ITGB3BP: variants seen among roughly 807,000 people sequenced by gnomAD.
The protein encoded by ITGB3BP is integrin subunit beta 3 binding protein.
ITGB3BP carries 27 observed loss-of-function variants against 29.1 expected under a neutral mutation model. The observed-to-expected ratio is 0.93, with a 90% CI of 0.68 to 1.28. ITGB3BP has a LOEUF of 1.28. Among genes scored for constraint, ITGB3BP ranks in the 50% most tolerant of loss-of-function variants. The pLI, the probability that ITGB3BP is intolerant of heterozygous loss-of-function variation, is 0.00. For synonymous variants in ITGB3BP, 61 were observed against 61.4 expected (o/e 0.99, Z 0.03); for missense variants, 192 against 200.2 (o/e 0.96, Z 0.25).
At chr1:63,468,307 T>A (rs1305455038) in intron 4 of ITGB3BP, among the ~76,000 whole-genome samples, 1 of 152,150 alleles carries the variant, frequency 6.6e-6, no homozygotes, top group Admixed American at 6.5e-5. Context: ...AGTCTTTAAA[T>A]AAAGAGCCAC....
intron 2 of ITGB3BP, among the ~76,000 whole-genome samples, chr1:63,528,725 A>T (rs1175271991): frequency 6.6e-6 from 1 of 152,148 alleles, no homozygotes; most frequent in Admixed American, 6.5e-5. Flanking sequence ...AACCTTAGAA[A>T]AAAGGCACTT....
chr1:63,518,593 T>C (rs1478494412), intron 1 of ITGB3BP, among the ~76,000 whole-genome samples: 4 of 151,976 alleles, frequency 2.6e-5, no homozygotes, highest in South Asian at 2.1e-4. Context: ...TTCTTTCTTT[T>C]TTTTTTTTAA....
chr1:63,454,289 G>C lies in ITGB3BP; in HGVS notation c.427+91C>G. The C allele has an allele frequency of 1.7e-6, 1 of 592,198 alleles. No individual in the cohort carries two copies. Among genetic ancestry groups the C allele is most frequent in the Non-Finnish European group, 3.0e-6 (1 of 333,892 alleles). 36.7% of individuals were successfully genotyped at this position (592,198 alleles called of 1,614,324 possible). The stretch of plus-strand genomic sequence containing the variant: ...TATTTTTATCACATGTCCAGTAATG[G>C]TATATATAAAGAAGTCTATCAAATG... On this transcript the variant is annotated intron_variant, in intron 6 of 8. Transcript: ENST00000271002. This position sits in a 1 kb window ranked among gnomAD's most constrained non-coding sequence, Gnocchi z 4.1.
In ITGB3BP at chr1:63,454,872, G is replaced by A. The variant is rs1397578472; in HGVS notation, c.333+18C>T. 8.4e-7 allele frequency: 1 copy of A among 1,194,488 alleles called. No homozygotes were observed. Among genetic ancestry groups the A allele is most frequent in the Admixed American group, 1.8e-5 (1 of 56,322 alleles). The allele number at this position is 1,194,488 out of a possible 1,614,324, so 74.0% of individuals were successfully genotyped here. ...TTTATCCTTTTCAAACAGGGTAGAA[G>A]TATGAAAAAATGCAAACCTGTATAC... On this transcript the variant is annotated intron_variant, in intron 5 of 8. Transcript: ENST00000271002. The surrounding 1 kb of genome is among the most constrained non-coding windows in gnomAD (Gnocchi z 4.1).
chr1:63,510,441 C>T (rs1035908732), intron 1 of ITGB3BP, among the ~76,000 whole-genome samples: 8 of 152,094 alleles, frequency 5.3e-5, no homozygotes, highest in Non-Finnish European at 7.4e-5. Context: ...CAAGGAAATA[C>T]GTAAAAAATA....
intron 1 of ITGB3BP, among the ~76,000 whole-genome samples, chr1:63,510,630 G>C (rs1646180045): frequency 6.6e-6 from 1 of 152,108 alleles, no homozygotes; most frequent in Non-Finnish European, 1.5e-5. Context: ...AAGACTAGAA[G>C]AAATCTAAGA....
At chr1:63,494,125 T>G (rs1645729031) in intron 2 of ITGB3BP, among the ~76,000 whole-genome samples, 1 of 152,148 alleles carries the variant, frequency 6.6e-6, no homozygotes, top group African/African-American at 2.4e-5. Context: ...AGAAGAGTAC[T>G]AGATACCAAC....
At chr1:63,518,098 T>G (rs1570339745) in intron 1 of ITGB3BP, among the ~76,000 whole-genome samples, 1 of 152,196 alleles carries the variant, frequency 6.6e-6, no homozygotes, top group East Asian at 1.9e-4. Flanking sequence ...GAGGGCACGT[T>G]CTTGCCTTTT....
chr1:63,482,270 C>CAAAAAAAA (rs376500389), intron 3 of ITGB3BP, among the ~76,000 whole-genome samples: 7 of 59,336 alleles, frequency 1.2e-4, no homozygotes, highest in East Asian at 5.6e-4. Context: ...GACTCCATCT[C>CAAAAAAAA]AAAAAAAAAA....
At chr1:63,463,612 G>A (rs1645054077) in intron 4 of ITGB3BP, among the ~76,000 whole-genome samples, 1 of 152,122 alleles carries the variant, frequency 6.6e-6, no homozygotes, top group African/African-American at 2.4e-5. Context: ...CATTTTCATA[G>A]CAATGCCAGC....
At chr1:63,453,000 T>G (rs987827006) in intron 7 of ITGB3BP, among the ~76,000 whole-genome samples, 2 of 152,216 alleles carry the variant, frequency 1.3e-5, no homozygotes, top group Non-Finnish European at 2.9e-5. Context: ...TAGGAAGAGA[T>G]AACACAGAAT....
chr1:63,460,158 T>A (rs1412029686), intron 4 of ITGB3BP, among the ~76,000 whole-genome samples: 1 of 152,188 alleles, frequency 6.6e-6, no homozygotes, highest in East Asian at 1.9e-4. Context: ...ATATACAAGA[T>A]TTGTCATTTT....
intron 7 of ITGB3BP, among the ~76,000 whole-genome samples, chr1:63,451,498 T>C (rs1644858921): frequency 6.9e-6 from 1 of 145,598 alleles, no homozygotes; most frequent in Admixed American, 7.1e-5. Flanking sequence ...TAGTTTGAGA[T>C]GTCAAAAGAA....
chr1:63,444,196 C>G lies in ITGB3BP; in HGVS notation c.*1+2610G>C, dbSNP rs138763552. ...AAAGAACACCCCAAAATGTGGTTATCTTTACTAAAATCCATTAACACAAAG... is the reference window on the plus strand; with the variant it reads ...AAAGAACACCCCAAAATGTGGTTATGTTTACTAAAATCCATTAACACAAAG... On this transcript the variant is annotated intron_variant, in intron 8 of 8. Coordinates refer to ENST00000271002, the MANE Select transcript of ITGB3BP (RefSeq NM_014288.5). Among the ~76,000 whole-genome samples the G allele has an allele frequency of 2.3e-3, 350 of 152,174 alleles. 2 individuals are homozygous for G. The highest frequency in any genetic ancestry group is 7.9e-3 in the African/African-American group (329 of 41,534).
At chr1:63,499,004 C>T (rs1645858013) in intron 2 of ITGB3BP, among the ~76,000 whole-genome samples, 1 of 152,034 alleles carries the variant, frequency 6.6e-6, no homozygotes, top group South Asian at 2.1e-4. Flanking sequence ...AGGCAAATTT[C>T]CAGAAACACA....
chr1:63,488,772 T>A (rs796173162), intron 3 of ITGB3BP, among the ~76,000 whole-genome samples: 11 of 152,206 alleles, frequency 7.2e-5, no homozygotes, highest in African/African-American at 2.4e-4. Flanking sequence ...TGAATCAGTG[T>A]AACCACTATG....
chr1:63,511,367 G>C (rs1025408846), intron 1 of ITGB3BP, among the ~76,000 whole-genome samples: 4 of 152,108 alleles, frequency 2.6e-5, no homozygotes, highest in African/African-American at 9.7e-5. Context: ...TGGTTTAGCA[G>C]CTATGGAAAA....
chr1:63,487,948 C>T (rs554750169), intron 3 of ITGB3BP, among the ~76,000 whole-genome samples: 3 of 152,192 alleles, frequency 2.0e-5, no homozygotes, highest in African/African-American at 7.2e-5. Flanking sequence ...TGGGGGACCC[C>T]TGATGTGTAT....
chr1:63,460,115 T>G (rs954210769), intron 4 of ITGB3BP, among the ~76,000 whole-genome samples: 2 of 152,132 alleles, frequency 1.3e-5, no homozygotes, highest in South Asian at 2.1e-4. Context: ...AGCTTAAAAT[T>G]TTTTCTAAAA....
Sources: allele counts gnomAD v4.1 joint callset (sites outside exome capture counted in the v4.1 genomes callset), GRCh38; gene constraint gnomAD v4.1.1; non-coding constraint Gnocchi (gnomAD v3.1); transcripts MANE v1.5; gene names NCBI Gene and HGNC (gene_info 2026-07-23, HGNC 2026-07-21).